Variants in GRID1 observed in about 807,000 individuals in gnomAD.
GRID1 encodes glutamate ionotropic receptor delta type subunit 1.
In GRID1, 28 loss-of-function variants were observed where a neutral mutation model predicts 98.0. The ratio of observed to expected loss-of-function variants is 0.29; its 90% confidence interval spans 0.21 to 0.39. The LOEUF (loss-of-function observed/expected upper bound fraction) is 0.39, where lower values mean the gene tolerates loss of function less well. GRID1 is among the 10% of genes least tolerant of loss of function. GRID1 has a pLI of 1.00. For synonymous variants in GRID1, 553 were observed against 538.5 expected (o/e 1.03, Z -0.37); for missense variants, 1,111 against 1,340.5 (o/e 0.83, Z 2.67).
chr10:85,731,950 G>GAAAGGAA (rs766650823), intron 8 of GRID1, among the ~76,000 whole-genome samples: 3 of 148,654 alleles, frequency 2.0e-5, no homozygotes, highest in East Asian at 2.0e-4. Context: ...GAAGGGAAGG[G>GAAAGGAA]AAAGGAAAAA....
At chr10:85,836,999 T>C (rs1415627601) in intron 8 of GRID1, among the ~76,000 whole-genome samples, 1 of 152,108 alleles carries the variant, frequency 6.6e-6, no homozygotes, top group Non-Finnish European at 1.5e-5. Flanking sequence ...CCACAGCAAC[T>C]CCACACATCA....
intron 4 of GRID1, among the ~76,000 whole-genome samples, chr10:86,125,103 C>T (rs1370191457): frequency 3.3e-5 from 5 of 152,228 alleles, no homozygotes; most frequent in Non-Finnish European, 7.3e-5. Context: ...CTGGCATGGA[C>T]AGGCTCCCTG....
At chr10:85,891,716 C>A (rs1445574089) in intron 5 of GRID1, among the ~76,000 whole-genome samples, 1 of 152,048 alleles carries the variant, frequency 6.6e-6, no homozygotes, top group African/African-American at 2.4e-5. Flanking sequence ...CTTGAAACAT[C>A]AAAATATTCA....
At chr10:85,705,841 A>G (rs4619087) in intron 12 of GRID1, among the ~76,000 whole-genome samples, 79,031 of 152,034 alleles carry the variant, frequency 0.52, 21,013 homozygotes, top group Middle Eastern at 0.61. Context: ...CAGCATATAA[A>G]CAGAACCAAA....
At chr10:85,833,527 A>C (rs550179234) in intron 8 of GRID1, among the ~76,000 whole-genome samples, 67 of 150,494 alleles carry the variant, frequency 4.5e-4, no homozygotes, top group South Asian at 1.9e-3. Flanking sequence ...CTCCCAACAA[A>C]AAAAAAAAAA....
chr10:85,819,153 A>C (rs1367763891), intron 8 of GRID1, among the ~76,000 whole-genome samples: 3 of 152,206 alleles, frequency 2.0e-5, no homozygotes, highest in Admixed American at 6.5e-5. Flanking sequence ...TAAGAATTCC[A>C]AGTAAAGTAA....
chr10:85,634,291 TCACACA>T (rs1554860994), intron 13 of GRID1, among the ~76,000 whole-genome samples: 3 of 102,998 alleles, frequency 2.9e-5, no homozygotes, highest in East Asian at 2.3e-4. Context: ...TCTCTCTCTC[TCACACA>T]CACACACACA....
At chr10:86,160,872 C>G (rs1260142446) in intron 3 of GRID1, among the ~76,000 whole-genome samples, 1 of 152,232 alleles carries the variant, frequency 6.6e-6, no homozygotes, top group African/African-American at 2.4e-5. Context: ...AAAAGCTGTT[C>G]TCTTAAAACG....
chr10:86,205,852 T>C (rs1457602405), intron 3 of GRID1, among the ~76,000 whole-genome samples: 1 of 152,130 alleles, frequency 6.6e-6, no homozygotes, highest in Non-Finnish European at 1.5e-5. Context: ...CCCTACCCAG[T>C]GTTCCCAACC....
chr10:86,307,658 A>T lies in GRID1; in HGVS notation c.235+56283T>A, dbSNP rs145322445. Among the ~76,000 whole-genome samples the T allele has an allele frequency of 3.9e-4, 60 of 152,336 alleles. No individual in the cohort carries two copies. The East Asian group carries it at 0.011, about 28-fold the overall frequency. On this transcript the variant is annotated intron_variant, in intron 2 of 15. Coordinates refer to ENST00000327946, the MANE Select transcript of GRID1 (RefSeq NM_017551.3). ...TAATAATAATGTACTGTATACTTCAAATTTACTAAGAGAGAATTTCTTAAG... is the reference window on the plus strand; with the variant it reads ...TAATAATAATGTACTGTATACTTCATATTTACTAAGAGAGAATTTCTTAAG...
chr10:86,068,061 G>A (rs1843745356), intron 4 of GRID1, among the ~76,000 whole-genome samples: 3 of 152,236 alleles, frequency 2.0e-5, no homozygotes, highest in African/African-American at 7.2e-5. Flanking sequence ...CTGGCTCTGT[G>A]TTAGACACTT....
At chr10:85,769,470 G>C (rs948173150) in intron 8 of GRID1, among the ~76,000 whole-genome samples, 1 of 152,146 alleles carries the variant, frequency 6.6e-6, no homozygotes, top group African/African-American at 2.4e-5. Context: ...CCAGACAGTG[G>C]GTGCAGGACA....
chr10:86,138,661 T>C (rs534033518), intron 4 of GRID1, among the ~76,000 whole-genome samples, 158 bp downstream of exon 4: 61 of 152,192 alleles, frequency 4.0e-4, no homozygotes, highest in African/African-American at 1.5e-3. Context: ...GCTCAGAGAA[T>C]CCCCCCTTAC....
intron 8 of GRID1, among the ~76,000 whole-genome samples, chr10:85,800,991 T>C (rs916762597): frequency 5.0e-4 from 76 of 151,982 alleles, no homozygotes; most frequent in African/African-American, 1.7e-3. Flanking sequence ...AATAATAAAA[T>C]AGGCAAACCT....
chr10:86,166,165 C>T (rs1845395613), intron 3 of GRID1, among the ~76,000 whole-genome samples: 1 of 152,046 alleles, frequency 6.6e-6, no homozygotes, highest in Non-Finnish European at 1.5e-5. Flanking sequence ...GCACAACATG[C>T]AGGTTTGTTA....
intron 3 of GRID1, among the ~76,000 whole-genome samples, chr10:86,205,203 T>C (rs1053733491): frequency 4.6e-5 from 7 of 152,266 alleles, no homozygotes; most frequent in African/African-American, 1.7e-4. Context: ...AAACATATGC[T>C]GATTTCTTTT....
intron 4 of GRID1, among the ~76,000 whole-genome samples, chr10:85,992,459 A>G (rs922501870): frequency 2.6e-5 from 4 of 152,120 alleles, no homozygotes; most frequent in Admixed American, 6.5e-5. Flanking sequence ...CTAAGAAGAC[A>G]TGAAGATAAG....
intron 12 of GRID1, among the ~76,000 whole-genome samples, chr10:85,680,559 G>A (rs1232849348): frequency 6.6e-6 from 1 of 152,222 alleles, no homozygotes; most frequent in Non-Finnish European, 1.5e-5. Context: ...ATGGAAAACA[G>A]AATGGAGATT....
At chr10:86,251,236 G>C (rs1037467697) in intron 2 of GRID1, among the ~76,000 whole-genome samples, 1 of 151,832 alleles carries the variant, frequency 6.6e-6, no homozygotes, top group African/African-American at 2.4e-5. Flanking sequence ...CTCTGCCTAG[G>C]AAAACCAGAG....
Sources: gnomAD v4.1 joint callset for allele counts (sites outside exome capture counted in the v4.1 genomes callset) on GRCh38, gnomAD v4.1.1 for gene constraint, MANE v1.5 for transcripts, NCBI Gene and HGNC (gene_info 2026-07-23, HGNC 2026-07-21) for gene names.